The following ZNHIT6 variants were observed in gnomAD, a reference collection of about 807,000 sequenced individuals.
The protein encoded by ZNHIT6 is box C/D snoRNA protein 1.
A neutral mutation model predicts 57.2 loss-of-function variants in ZNHIT6; 45 were observed. That is an observed-to-expected ratio of 0.79 (90% CI 0.62 to 1.01). The LOEUF is 1.01. Among genes scored for constraint, ZNHIT6 ranks in the 50% least tolerant of loss-of-function variants. The pLI, the probability that ZNHIT6 is intolerant of heterozygous loss-of-function variation, is 0.00. For synonymous variants in ZNHIT6, 188 were observed against 190.0 expected (o/e 0.99, Z 0.09); for missense variants, 528 against 567.3 (o/e 0.93, Z 0.70).
intron 8 of ZNHIT6, among the ~76,000 whole-genome samples, chr1:85,660,845 A>G (rs1661203074): frequency 6.6e-6 from 1 of 152,210 alleles, no homozygotes; most frequent in African/African-American, 2.4e-5. Flanking sequence ...AAATTATTTT[A>G]AAAATATTTT....
At chr1:85,654,735 T>C (rs1013679631) in intron 9 of ZNHIT6, among the ~76,000 whole-genome samples, 5 of 152,184 alleles carry the variant, frequency 3.3e-5, no homozygotes, top group African/African-American at 7.2e-5. Flanking sequence ...TAGTGTTTTT[T>C]CCCTAAATCT....
At chr1:85,677,456 A>G (rs1300834135) in intron 7 of ZNHIT6, 143 bp from the exon 8 acceptor site, 2 of 568,232 alleles carry the variant, frequency 3.5e-6, no homozygotes, top group Non-Finnish European at 5.6e-6. Context: ...ATGTTTTCTA[A>G]CCAGAAATCT....
At chr1:85,699,213 G>A (rs1044081258) in intron 5 of ZNHIT6, among the ~76,000 whole-genome samples, 2 of 151,976 alleles carry the variant, frequency 1.3e-5, no homozygotes, top group Admixed American at 1.3e-4. Flanking sequence ...CCTCTTTCCA[G>A]CAAATACCAT....
intron 5 of ZNHIT6, among the ~76,000 whole-genome samples, chr1:85,690,419 A>T (rs1386952744): frequency 1.3e-5 from 2 of 152,184 alleles, no homozygotes; most frequent in Non-Finnish European, 2.9e-5. Flanking sequence ...CTAGATAAAA[A>T]CCTAGAAATA....
chr1:85,687,304 A>AAAAAAAAAAAAAAAAAAAAC (rs1557861153), intron 5 of ZNHIT6, among the ~76,000 whole-genome samples: 1 of 142,580 alleles, frequency 7.0e-6, no homozygotes, highest in Admixed American at 7.2e-5. Flanking sequence ...AAAAACAAAA[A>AAAAAAAAAAAAAAAAAAAAC]AAAAAAACAA....
chr1:85,682,871 T>C (rs1661916912), intron 5 of ZNHIT6, among the ~76,000 whole-genome samples: 1 of 152,232 alleles, frequency 6.6e-6, no homozygotes, highest in Non-Finnish European at 1.5e-5. Context: ...TGATTCTTTA[T>C]ATGTACTTTA....
chr1:85,686,370 G>A (rs958539705), intron 5 of ZNHIT6, among the ~76,000 whole-genome samples: 1 of 151,908 alleles, frequency 6.6e-6, no homozygotes, highest in African/African-American at 2.4e-5. Flanking sequence ...TTTTATCTTA[G>A]AAACTAGTAC....
intron 5 of ZNHIT6, among the ~76,000 whole-genome samples, chr1:85,696,232 C>T (rs1662367668): frequency 1.3e-5 from 2 of 150,582 alleles, no homozygotes; most frequent in South Asian, 2.1e-4. Context: ...TGGAATGTAA[C>T]GGTGCAATCA....
At chr1:85,691,105 C>G (rs1662205944) in intron 5 of ZNHIT6, among the ~76,000 whole-genome samples, 1 of 152,168 alleles carries the variant, frequency 6.6e-6, no homozygotes, top group South Asian at 2.1e-4. Context: ...CTGGCATGCA[C>G]TATAAACTGA....
chr1:85,676,636 G>A (rs929579968), intron 8 of ZNHIT6, among the ~76,000 whole-genome samples: 1 of 152,184 alleles, frequency 6.6e-6, no homozygotes, highest in African/African-American at 2.4e-5. Context: ...GGAATAGGGA[G>A]GCCTGAGGAG....
At chr1:85,700,415 T>C (rs1662496945) in intron 5 of ZNHIT6, among the ~76,000 whole-genome samples, 1 of 152,190 alleles carries the variant, frequency 6.6e-6, no homozygotes, top group Admixed American at 6.5e-5. Flanking sequence ...TCTCTATAAA[T>C]TTATGAGCAA....
intron 5 of ZNHIT6, among the ~76,000 whole-genome samples, chr1:85,698,343 A>G (rs931465405): frequency 6.6e-6 from 1 of 152,202 alleles, no homozygotes; most frequent in African/African-American, 2.4e-5. Flanking sequence ...CCTGCCATAA[A>G]GGGTGTCTGG....
chr1:85,657,417 T>G (rs1209484227), intron 9 of ZNHIT6, among the ~76,000 whole-genome samples: 1 of 102,362 alleles, frequency 9.8e-6, no homozygotes, highest in Admixed American at 9.0e-5. Context: ...ATACTAGGCT[T>G]TTTTTTTTTT....
chr1:85,687,349 A>G (rs1662092035), intron 5 of ZNHIT6, among the ~76,000 whole-genome samples: 1 of 149,580 alleles, frequency 6.7e-6, no homozygotes. Flanking sequence ...TTACTATCAA[A>G]TACCGACAGT....
intron 5 of ZNHIT6, among the ~76,000 whole-genome samples, chr1:85,696,233 G>A (rs1289865090): frequency 4.0e-5 from 6 of 150,900 alleles, no homozygotes; most frequent in African/African-American, 1.2e-4. Context: ...GGAATGTAAC[G>A]GTGCAATCAT....
intron 5 of ZNHIT6, among the ~76,000 whole-genome samples, chr1:85,687,310 A>AAAC (rs1557861254): frequency 7.0e-6 from 1 of 143,588 alleles, no homozygotes; most frequent in African/African-American, 2.5e-5. Flanking sequence ...AAAAAAAAAA[A>AAAC]ACAATTTAGA....
intron 8 of ZNHIT6, among the ~76,000 whole-genome samples, chr1:85,669,972 T>C (rs1661505710): frequency 6.6e-6 from 1 of 152,150 alleles, no homozygotes; most frequent in African/African-American, 2.4e-5. Flanking sequence ...TCTTAACTGA[T>C]ACTTTAGGTC....
chr1:85,700,446 C>G (rs533379605), intron 5 of ZNHIT6, among the ~76,000 whole-genome samples: 1 of 152,082 alleles, frequency 6.6e-6, no homozygotes, highest in Non-Finnish European at 1.5e-5. Flanking sequence ...CAAGAAGAAT[C>G]TGATTTGCCA....
chr1:85,670,873 T>C (rs1661537338), intron 8 of ZNHIT6, among the ~76,000 whole-genome samples: 2 of 152,196 alleles, frequency 1.3e-5, no homozygotes, highest in Non-Finnish European at 2.9e-5. Flanking sequence ...GTCTTACGCC[T>C]GGCTTACTAG....
Sources: allele counts gnomAD v4.1 joint callset (sites outside exome capture counted in the v4.1 genomes callset), GRCh38; gene constraint gnomAD v4.1.1; transcripts MANE v1.5; gene names NCBI Gene and HGNC (gene_info 2026-07-23, HGNC 2026-07-21).